NELL1: variants seen among roughly 807,000 people sequenced by gnomAD.
NELL1 encodes the protein protein kinase C-binding protein NELL1.
NELL1 carries 76 observed loss-of-function variants against 107.4 expected under a neutral mutation model. The ratio of observed to expected loss-of-function variants is 0.71; its 90% confidence interval spans 0.59 to 0.86. The LOEUF is 0.86. NELL1 is among the 40% of genes least tolerant of loss of function. NELL1 has a pLI of 0.00. For missense variants in NELL1, 1,024 were observed against 1,005.5 expected (o/e 1.02, Z -0.25); for synonymous variants, 353 against 341.2 (o/e 1.03, Z -0.38).
intron 13 of NELL1, among the ~76,000 whole-genome samples, chr11:21,189,709 T>G (rs1277389627): frequency 6.6e-6 from 1 of 150,546 alleles, no homozygotes; most frequent in Non-Finnish European, 1.5e-5. Context: ...TTTAATGTAC[T>G]CTGGTACTAT....
intron 12 of NELL1, among the ~76,000 whole-genome samples, chr11:21,009,549 C>T (rs1169984678): frequency 6.6e-6 from 1 of 151,918 alleles, no homozygotes; most frequent in African/African-American, 2.4e-5. Context: ...TCACATGCAA[C>T]GTGGCATTTC....
intron 12 of NELL1, among the ~76,000 whole-genome samples, chr11:21,090,460 A>G (rs1415330846): frequency 1.3e-5 from 2 of 152,170 alleles, no homozygotes; most frequent in Non-Finnish European, 2.9e-5. Context: ...ATTTATGTTC[A>G]TGGTGTGGCC....
chr11:21,463,680 C>T (rs1422040502), intron 15 of NELL1, among the ~76,000 whole-genome samples: 11 of 152,170 alleles, frequency 7.2e-5, no homozygotes, highest in South Asian at 6.2e-4. Flanking sequence ...ATCTGGTTAC[C>T]TGTTTTATCT....
At chr11:20,715,618 A>C (rs575171615) in intron 2 of NELL1, among the ~76,000 whole-genome samples, 1 of 152,344 alleles carries the variant, frequency 6.6e-6, no homozygotes, top group East Asian at 1.9e-4. Context: ...CTTAAGAGAC[A>C]CCAGAGGACA....
At chr11:21,120,489 C>T (rs766515955) in intron 13 of NELL1, among the ~76,000 whole-genome samples, 1 of 152,092 alleles carries the variant, frequency 6.6e-6, no homozygotes, top group Non-Finnish European at 1.5e-5. Context: ...CACGGATCAT[C>T]ATTATCTTTC....
chr11:20,944,659 A>T (rs1024837929), intron 10 of NELL1, among the ~76,000 whole-genome samples: 3 of 152,250 alleles, frequency 2.0e-5, no homozygotes, highest in Non-Finnish European at 4.4e-5. Flanking sequence ...GGTACTTCTT[A>T]CTAGAGATAG....
chr11:21,255,554 G>A (rs945047285), intron 14 of NELL1, among the ~76,000 whole-genome samples: 12 of 151,984 alleles, frequency 7.9e-5, no homozygotes, highest in African/African-American at 1.2e-4. Flanking sequence ...AGTATAGCTC[G>A]AAAGCTGGAA....
intron 13 of NELL1, among the ~76,000 whole-genome samples, chr11:21,184,745 G>A (rs1334994824): frequency 1.3e-5 from 2 of 148,394 alleles, no homozygotes; most frequent in African/African-American, 2.5e-5. Flanking sequence ...TGTTTTTAAC[G>A]AGGAGTTTTG....
intron 13 of NELL1, among the ~76,000 whole-genome samples, chr11:21,214,580 C>T (rs1328203990): frequency 6.6e-6 from 1 of 152,084 alleles, no homozygotes; most frequent in African/African-American, 2.4e-5. Flanking sequence ...ATCATTCAGA[C>T]ATTGCTGATG....
At chr11:20,919,872 G>T (rs992081986) in intron 7 of NELL1, among the ~76,000 whole-genome samples, 6 of 152,008 alleles carry the variant, frequency 3.9e-5, no homozygotes, top group African/African-American at 1.4e-4. Context: ...TTATAATTCC[G>T]CACCTTTTCC....
In NELL1 at chr11:21,473,759, G is replaced by T. The variant is rs190058248; in HGVS notation, c.1646-60615G>T. ...GAATAATATAGGAGGAAATTCTAAG[G>T]CTTACGTGGGACACCCCGTAGTATA... On this transcript the variant is annotated intron_variant, in intron 15 of 19. Coordinates refer to ENST00000357134, the MANE Select transcript of NELL1 (RefSeq NM_006157.5). Among the ~76,000 whole-genome samples the T allele has an allele frequency of 3.2e-3, 482 of 152,084 alleles. 5 individuals carry two copies. The highest frequency in any genetic ancestry group is 0.011 in the African/African-American group (452 of 41,516).
intron 12 of NELL1, among the ~76,000 whole-genome samples, chr11:21,069,368 TACTC>T (rs749810109): frequency 1.8e-4 from 27 of 152,228 alleles, no homozygotes; most frequent in Non-Finnish European, 3.4e-4. Context: ...GGAAAATTGT[TACTC>T]ACAGTATCAT....
intron 7 of NELL1, among the ~76,000 whole-genome samples, chr11:20,922,099 G>C (rs1297538527): frequency 6.6e-6 from 1 of 151,864 alleles, no homozygotes; most frequent in Admixed American, 6.6e-5. Flanking sequence ...TAACACTGAG[G>C]GTATCTCATG....
intron 12 of NELL1, among the ~76,000 whole-genome samples, chr11:21,076,706 G>A (rs1854144540): frequency 6.6e-6 from 1 of 152,196 alleles, no homozygotes; most frequent in South Asian, 2.1e-4. Context: ...TTTGGGTAAA[G>A]GGGGCAGATA....
intron 2 of NELL1, among the ~76,000 whole-genome samples, chr11:20,702,707 A>AT (rs1383961842): frequency 6.6e-6 from 1 of 152,056 alleles, no homozygotes; most frequent in Non-Finnish European, 1.5e-5. Flanking sequence ...TTATTGAGAG[A>AT]TTTTAGCATG....
intron 14 of NELL1, among the ~76,000 whole-genome samples, chr11:21,296,403 G>A (rs1169148451): frequency 1.4e-5 from 2 of 145,154 alleles, no homozygotes; most frequent in Non-Finnish European, 3.0e-5. Flanking sequence ...TAGCTTGATT[G>A]TGATGACAAT....
At chr11:21,216,617 A>G (rs987921925) in intron 13 of NELL1, among the ~76,000 whole-genome samples, 1 of 152,156 alleles carries the variant, frequency 6.6e-6, no homozygotes, top group African/African-American at 2.4e-5. Flanking sequence ...TCATTTTGGA[A>G]CTTAAAGGTT....
At chr11:20,704,541 G>T (rs1239266665) in intron 2 of NELL1, among the ~76,000 whole-genome samples, 1 of 152,154 alleles carries the variant, frequency 6.6e-6, no homozygotes, top group Admixed American at 6.5e-5. Context: ...ATTTGATCCT[G>T]TCATTATGAT....
chr11:20,993,712 A>T (rs536311851), intron 12 of NELL1, among the ~76,000 whole-genome samples: 83 of 152,322 alleles, frequency 5.4e-4, no homozygotes, highest in Admixed American at 4.3e-3. Flanking sequence ...ATACTTTGTA[A>T]ATAGTTATTA....
Sources: gnomAD v4.1 joint callset for allele counts (sites outside exome capture counted in the v4.1 genomes callset) on GRCh38, gnomAD v4.1.1 for gene constraint, MANE v1.5 for transcripts, NCBI Gene and HGNC (gene_info 2026-07-23, HGNC 2026-07-21) for gene names.